Variants in PI4K2A observed in about 807,000 individuals in gnomAD.
PI4K2A encodes the protein phosphatidylinositol 4-kinase type 2 alpha.
In PI4K2A, 20 loss-of-function variants were observed where a neutral mutation model predicts 55.0. The observed-to-expected ratio is 0.36, with a 90% confidence interval of 0.26 to 0.53. The LOEUF (loss-of-function observed/expected upper bound fraction) is 0.53. Among genes scored for constraint, PI4K2A ranks in the 20% least tolerant of loss-of-function variants. The pLI is 0.91. For synonymous variants in PI4K2A, 235 were observed against 258.5 expected, an observed-to-expected ratio of 0.91 and a Z score of 0.87; for missense variants, 463 against 637.1, an observed-to-expected ratio of 0.73 and a Z score of 2.94.
At chr10:97,661,213 G>C (rs1045175667) in intron 4 of PI4K2A, among the ~76,000 whole-genome samples, 7 of 151,846 alleles carry the variant, frequency 4.6e-5, no homozygotes, top group African/African-American at 9.7e-5. Flanking sequence ...GGATGGTCTC[G>C]ATCTCCTGAC....
At chr10:97,644,357 AAAAC>A (rs199552727) in intron 1 of PI4K2A, among the ~76,000 whole-genome samples, 3 of 146,610 alleles carry the variant, frequency 2.0e-5, no homozygotes, top group African/African-American at 7.4e-5. Context: ...TCTCAAAAAC[AAAAC>A]AAAAGAAAAG....
At chr10:97,642,880 T>TCTTCCTTC (rs2041483316) in intron 1 of PI4K2A, among the ~76,000 whole-genome samples, 1 of 116,060 alleles carries the variant, frequency 8.6e-6, no homozygotes, top group Non-Finnish European at 1.8e-5. Context: ...TTTCTTTCTT[T>TCTTCCTTC]CTTTCTTCCT....
In PI4K2A at chr10:97,640,860, GC is replaced by G; in HGVS notation, c.119del (p.Ala40GlyfsTer174). 1 of 1,329,154 alleles carries G rather than the reference GC, an allele frequency of 7.5e-7. No homozygotes were observed. The highest frequency in any genetic ancestry group is 3.1e-5 in the East Asian group (1 of 32,492). The allele number at this position is 1,329,154 out of a possible 1,614,324, so 82.3% of individuals were successfully genotyped here. A position where few individuals can be genotyped will look rare whatever the true frequency, so the allele number is the denominator to read the frequency against. ...GCCCGGGGGCGCGGTCCGAGTGGCG[GC>G]GGCGGCCGGCTCGGGCCCCTCTCCG... is the stretch of plus-strand genomic sequence containing the variant. On this transcript the variant is annotated frameshift_variant, in exon 1 of 9. Coordinates refer to ENST00000370631, the Ensembl canonical transcript of PI4K2A. LOFTEE classifies it high-confidence loss of function.
At chr10:97,674,466 T>C (rs1201596815) in exon 9 of PI4K2A, 3 of 152,240 alleles carry the variant, frequency 2.0e-5, no homozygotes, top group Non-Finnish European at 2.9e-5. Flanking sequence ...AGCTTGTCTG[T>C]TTCTCAAGCA....
chr10:97,667,798 G>A (rs1020359958), intron 8 of PI4K2A, among the ~76,000 whole-genome samples: 1 of 152,188 alleles, frequency 6.6e-6, no homozygotes, highest in African/African-American at 2.4e-5. Context: ...TGTGGCCTGG[G>A]GCAAAAGCCT....
intron 8 of PI4K2A, among the ~76,000 whole-genome samples, chr10:97,667,698 C>G (rs1037312473): frequency 1.5e-4 from 23 of 152,212 alleles, no homozygotes; most frequent in African/African-American, 5.1e-4. Context: ...AACTAATGCT[C>G]TCTGTCCTAG....
chr10:97,651,231 C>CCACT, intron 2 of PI4K2A, 90 bp downstream of exon 2: 1 of 923,338 alleles, frequency 1.1e-6, no homozygotes, highest in Non-Finnish European at 1.7e-6. Context: ...ACCTTGGGTC[C>CCACT]AGTGGGGTCA....
At chr10:97,641,984 G>A (rs916895755) in intron 1 of PI4K2A, among the ~76,000 whole-genome samples, 5 of 152,180 alleles carry the variant, frequency 3.3e-5, no homozygotes, top group African/African-American at 1.2e-4. Context: ...TCTGAGAAGT[G>A]ACCTTTATCC....
At chr10:97,646,461 C>G (rs1335325775) in intron 1 of PI4K2A, among the ~76,000 whole-genome samples, 1 of 152,118 alleles carries the variant, frequency 6.6e-6, no homozygotes, top group East Asian at 1.9e-4. Context: ...AGGTGATCCA[C>G]CCGCTTTGGC....
At chr10:97,669,582 T>A (rs2041625984) in intron 8 of PI4K2A, among the ~76,000 whole-genome samples, 1 of 152,232 alleles carries the variant, frequency 6.6e-6, no homozygotes, top group African/African-American at 2.4e-5. Context: ...ACCATCCAGC[T>A]CCTTCCAACA....
exon 1 of PI4K2A, chr10:97,641,042 G>A: frequency 1.3e-6 from 2 of 1,599,106 alleles, no homozygotes; most frequent in Non-Finnish European, 1.7e-6. Context: ...CCCACCGCGA[G>A]CGGAACGAGT....
chr10:97,660,002 CTTTTTTT>C (rs1206693622), intron 4 of PI4K2A, among the ~76,000 whole-genome samples: 1 of 137,856 alleles, frequency 7.3e-6, no homozygotes, highest in East Asian at 2.1e-4. Context: ...TCTTTCTTTT[CTTTTTTT>C]TTTTTTTTTT....
intron 5 of PI4K2A, among the ~76,000 whole-genome samples, chr10:97,663,591 C>T (rs1421825470): frequency 1.3e-5 from 2 of 150,704 alleles, no homozygotes; most frequent in African/African-American, 4.9e-5. Flanking sequence ...TTTGGGAGGC[C>T]GAGGTGGGAG....
At chr10:97,657,134 C>G (rs1460796286) in intron 4 of PI4K2A, among the ~76,000 whole-genome samples, 160 bp downstream of exon 4, 2 of 151,982 alleles carry the variant, frequency 1.3e-5, no homozygotes, top group African/African-American at 4.8e-5. Flanking sequence ...TGCATTTTAT[C>G]TTACACTCTT....
chr10:97,663,581 T>C (rs1166358212), intron 5 of PI4K2A, among the ~76,000 whole-genome samples: 2 of 151,350 alleles, frequency 1.3e-5, no homozygotes, highest in African/African-American at 4.8e-5. Flanking sequence ...ATCCCAGCAC[T>C]TTGGGAGGCC....
intron 1 of PI4K2A, among the ~76,000 whole-genome samples, chr10:97,648,126 G>C (rs545907599): frequency 6.1e-5 from 8 of 132,096 alleles, no homozygotes; most frequent in African/African-American, 2.3e-4. Flanking sequence ...ATGCTATTTC[G>C]CTCATTGCCC....
At chr10:97,666,904 C>T (rs2041612312) in intron 7 of PI4K2A, among the ~76,000 whole-genome samples, 157 bp from the exon 8 acceptor site, 1 of 152,178 alleles carries the variant, frequency 6.6e-6, no homozygotes, top group African/African-American at 2.4e-5. Flanking sequence ...GTTTCCTCAT[C>T]TGTAAAGCAG....
chr10:97,645,477 G>A (rs1265069784), intron 1 of PI4K2A, among the ~76,000 whole-genome samples: 4 of 151,356 alleles, frequency 2.6e-5, no homozygotes, highest in Admixed American at 1.3e-4. Context: ...GCGTGGTGGC[G>A]GGCACCTGTA....
chr10:97,654,597 T>A (rs1338753837), intron 2 of PI4K2A, among the ~76,000 whole-genome samples: 1 of 152,240 alleles, frequency 6.6e-6, no homozygotes. Context: ...AGCTTGTAAC[T>A]CATTCTTCAT....
Sources: allele counts gnomAD v4.1 joint callset (sites outside exome capture counted in the v4.1 genomes callset), GRCh38; gene constraint gnomAD v4.1.1; transcripts MANE v1.5; gene names NCBI Gene and HGNC (gene_info 2026-07-23, HGNC 2026-07-21).